KLHL1: variants seen among roughly 807,000 people sequenced by gnomAD.
KLHL1 encodes the protein kelch like family member 1.
Under a neutral mutation model 77.7 loss-of-function variants are expected in KLHL1, and 47 were observed. That is an observed-to-expected ratio of 0.60 (90% CI 0.48 to 0.77). The LOEUF (loss-of-function observed/expected upper bound fraction) is 0.77, where lower values mean the gene tolerates loss of function less well. Among genes scored for constraint, KLHL1 ranks in the 30% least tolerant of loss-of-function variants. The pLI is 0.00. For synonymous variants in KLHL1, 360 were observed against 325.2 expected (o/e 1.11, Z -1.15); for missense variants, 925 against 910.8 (o/e 1.02, Z -0.20).
At chr13:69,732,020 A>C (rs1225535850) in intron 8 of KLHL1, among the ~76,000 whole-genome samples, 1 of 152,162 alleles carries the variant, frequency 6.6e-6, no homozygotes, top group African/African-American at 2.4e-5. Flanking sequence ...GACAGATACA[A>C]GATAACACAC....
At chr13:69,903,430 T>C (rs1292420526) in intron 4 of KLHL1, among the ~76,000 whole-genome samples, 1 of 152,100 alleles carries the variant, frequency 6.6e-6, no homozygotes, top group Non-Finnish European at 1.5e-5. Flanking sequence ...TTAGCAAGTT[T>C]GCATTATTCA....
At position 69,922,969 on chromosome 13, in the gene KLHL1, T is replaced by C. The variant is rs1251085060; in HGVS notation, c.1014+17071A>G. Reference sequence around the variant, plus strand: ...AAATAATACATAAAGATGAAATATTTGAAAGCATTGCAAATGAATTTCAAT... The same window carrying C: ...AAATAATACATAAAGATGAAATATTCGAAAGCATTGCAAATGAATTTCAAT... On this transcript the variant is annotated intron_variant, in intron 4 of 10. Coordinates refer to ENST00000377844, the MANE Select transcript of KLHL1 (RefSeq NM_020866.3). 2.0e-5 allele frequency among the ~76,000 whole-genome samples: 3 copies of C among 152,210 alleles called. No homozygotes were observed. The East Asian group carries it at 5.8e-4, about 29-fold the overall frequency.
chr13:69,958,410 T>A (rs967976532), intron 3 of KLHL1, among the ~76,000 whole-genome samples: 2 of 151,612 alleles, frequency 1.3e-5, no homozygotes, highest in African/African-American at 2.4e-5. Context: ...TATGTACAAT[T>A]TTTTACTATA....
At chr13:69,742,479 C>T (rs1232557218) in intron 7 of KLHL1, among the ~76,000 whole-genome samples, 1 of 152,114 alleles carries the variant, frequency 6.6e-6, no homozygotes, top group African/African-American at 2.4e-5. Context: ...ATTCATTTAA[C>T]TATTATTCAT....
At chr13:69,891,867 A>C (rs945318576) in intron 4 of KLHL1, among the ~76,000 whole-genome samples, 4 of 152,004 alleles carry the variant, frequency 2.6e-5, no homozygotes, top group Non-Finnish European at 5.9e-5. Flanking sequence ...CTAATGTAGG[A>C]GAAAGGAGCC....
intron 7 of KLHL1, among the ~76,000 whole-genome samples, chr13:69,764,991 G>A (rs1253839328): frequency 9.8e-6 from 1 of 102,096 alleles, no homozygotes; most frequent in Non-Finnish European, 1.8e-5. Context: ...TCGCTTTGTC[G>A]CCCAGGCTGG....
At chr13:70,074,965 A>G (rs1887226487) in intron 1 of KLHL1, among the ~76,000 whole-genome samples, 1 of 152,106 alleles carries the variant, frequency 6.6e-6, no homozygotes, top group Non-Finnish European at 1.5e-5. Flanking sequence ...AATTTAAAAT[A>G]CCATTTATAA....
chr13:69,792,167 T>C (rs1274983818), intron 7 of KLHL1, among the ~76,000 whole-genome samples: 1 of 152,118 alleles, frequency 6.6e-6, no homozygotes, highest in African/African-American at 2.4e-5. Flanking sequence ...AATCTTAGTC[T>C]GATAGAGGCC....
chr13:70,061,869 G>A (rs765931940), intron 1 of KLHL1, among the ~76,000 whole-genome samples: 2 of 151,912 alleles, frequency 1.3e-5, no homozygotes, highest in South Asian at 2.1e-4. Flanking sequence ...TTTGATATAC[G>A]TATACAACAT....
At chr13:69,801,478 A>G (rs992449453) in intron 6 of KLHL1, among the ~76,000 whole-genome samples, 2 of 152,200 alleles carry the variant, frequency 1.3e-5, no homozygotes, top group East Asian at 1.9e-4. Context: ...CATTACAAAC[A>G]TGTCAAGGTT....
intron 1 of KLHL1, among the ~76,000 whole-genome samples, chr13:69,991,179 C>T (rs901576243): frequency 2.6e-5 from 4 of 151,844 alleles, no homozygotes; most frequent in African/African-American, 9.7e-5. Flanking sequence ...ATTTATAGTA[C>T]TAAACACCCA....
intron 2 of KLHL1, among the ~76,000 whole-genome samples, chr13:69,967,795 G>A (rs1884260357): frequency 2.0e-5 from 3 of 151,608 alleles, no homozygotes. Flanking sequence ...TGAGGCAGGA[G>A]AATTGCTTGA....
intron 5 of KLHL1, 75 bp downstream of exon 5, chr13:69,882,208 G>A: frequency 1.0e-6 from 1 of 961,638 alleles, no homozygotes; most frequent in Non-Finnish European, 1.6e-6. Flanking sequence ...AATTAAAAAT[G>A]TGTTTTGATG....
chr13:69,773,964 T>A (rs2137987993), intron 7 of KLHL1, among the ~76,000 whole-genome samples: 1 of 151,872 alleles, frequency 6.6e-6, no homozygotes, highest in East Asian at 1.9e-4. Flanking sequence ...GTAAGTACCA[T>A]AACAAATTCA....
chr13:70,025,903 C>A (rs529315261), intron 1 of KLHL1, among the ~76,000 whole-genome samples: 1 of 151,932 alleles, frequency 6.6e-6, no homozygotes, highest in Non-Finnish European at 1.5e-5. Context: ...TCAGTGGAAG[C>A]GCTAGAGCTA....
At chr13:69,851,868 C>A (rs866541451) in intron 5 of KLHL1, among the ~76,000 whole-genome samples, 1 of 151,784 alleles carries the variant, frequency 6.6e-6, no homozygotes, top group South Asian at 2.1e-4. Context: ...AAAACATTTA[C>A]CTACTAGTAG....
intron 4 of KLHL1, among the ~76,000 whole-genome samples, chr13:69,922,564 C>T (rs906649493): frequency 1.3e-5 from 2 of 151,952 alleles, no homozygotes; most frequent in African/African-American, 4.8e-5. Context: ...GGAAAGTAAC[C>T]TCCTAATTTA....
intron 3 of KLHL1, among the ~76,000 whole-genome samples, chr13:69,956,082 A>T (rs975555388): frequency 8.6e-6 from 1 of 116,262 alleles, no homozygotes; most frequent in Non-Finnish European, 1.7e-5. Flanking sequence ...TGATATATAT[A>T]TTTTTATATA....
At chr13:69,702,739 T>A (rs772040622) in intron 10 of KLHL1, among the ~76,000 whole-genome samples, 9 of 151,816 alleles carry the variant, frequency 5.9e-5, no homozygotes, top group Non-Finnish European at 1.0e-4. Flanking sequence ...TTATTTTTTA[T>A]TCTTTTAATG....
Sources: allele counts gnomAD v4.1 joint callset (sites outside exome capture counted in the v4.1 genomes callset), GRCh38; gene constraint gnomAD v4.1.1; transcripts MANE v1.5; gene names NCBI Gene and HGNC (gene_info 2026-07-23, HGNC 2026-07-21).